PSD3: variants seen among roughly 807,000 people sequenced by gnomAD.
The protein encoded by PSD3 is pleckstrin and Sec7 domain containing 3, also known as PH and SEC7 domain-containing protein 3.
A neutral mutation model predicts 105.5 loss-of-function variants in PSD3; 49 were observed. The observed-to-expected ratio is 0.46, with a 90% CI of 0.37 to 0.59. The LOEUF is 0.59. PSD3 is among the 20% of genes least tolerant of loss of function. The pLI is 0.00. For missense variants in PSD3, 1,561 were observed against 1,263.8 expected, an observed-to-expected ratio of 1.24 and a Z score of -3.57; for synonymous variants, 557 against 457.8, an observed-to-expected ratio of 1.22 and a Z score of -2.77.
intron 8 of PSD3, among the ~76,000 whole-genome samples, chr8:18,797,143 T>C (rs12680447): frequency 0.82 from 124,817 of 152,104 alleles, 52,228 homozygotes; most frequent in Non-Finnish European, 0.92. Context: ...GTTCTTATGA[T>C]AGCTACTATA....
At chr8:18,765,587 A>G in intron 8 of PSD3, 49 bp from the exon 9 acceptor site, 1 of 1,375,710 alleles carries the variant, frequency 7.3e-7, no homozygotes, top group East Asian at 2.3e-5. Context: ...TGGAATTAAG[A>G]CTGATTCATA....
chr8:18,633,624 G>A (rs1252551556), intron 10 of PSD3, among the ~76,000 whole-genome samples: 3 of 152,066 alleles, frequency 2.0e-5, no homozygotes. Context: ...GTATTCCACG[G>A]TGTGTATGTA....
intron 9 of PSD3, among the ~76,000 whole-genome samples, chr8:18,734,874 A>T (rs1356443540): frequency 6.6e-6 from 1 of 152,252 alleles, no homozygotes; most frequent in Non-Finnish European, 1.5e-5. Flanking sequence ...TCCAGAGAAC[A>T]GCAATACCAT....
At chr8:19,002,447 A>T (rs1019338455) in intron 1 of PSD3, among the ~76,000 whole-genome samples, 1 of 151,996 alleles carries the variant, frequency 6.6e-6, no homozygotes, top group African/African-American at 2.4e-5. Context: ...ACAAGCATAT[A>T]TCAACTTAGT....
chr8:18,567,146 T>G (rs1801828576), intron 14 of PSD3, among the ~76,000 whole-genome samples: 1 of 152,192 alleles, frequency 6.6e-6, no homozygotes. Flanking sequence ...CCCTCTTTAG[T>G]TCAACTCACC....
intron 9 of PSD3, among the ~76,000 whole-genome samples, chr8:18,705,315 C>G (rs1245144952): frequency 6.6e-6 from 1 of 151,998 alleles, no homozygotes; most frequent in Non-Finnish European, 1.5e-5. Flanking sequence ...ACTGCTCAAG[C>G]TCAGTAGTTC....
At chr8:18,681,303 A>G (rs1387613287) in intron 9 of PSD3, among the ~76,000 whole-genome samples, 2 of 152,112 alleles carry the variant, frequency 1.3e-5, no homozygotes, top group African/African-American at 4.8e-5. Flanking sequence ...TGCTGTTTAC[A>G]TGATTAGCAA....
At chr8:18,936,169 AC>A in intron 1 of PSD3, 27 bp from the exon 2 acceptor site, 1 of 1,487,484 alleles carries the variant, frequency 6.7e-7, no homozygotes, top group Non-Finnish European at 9.3e-7. Context: ...AAACAAAGAC[AC>A]ATTTAAAATA....
chr8:18,958,134 T>C (rs572698119), intron 1 of PSD3, among the ~76,000 whole-genome samples: 37 of 152,168 alleles, frequency 2.4e-4, no homozygotes, highest in African/African-American at 8.4e-4. Context: ...TATACAAAAA[T>C]ATAATAAAAT....
intron 1 of PSD3, among the ~76,000 whole-genome samples, chr8:19,082,030 T>G (rs1829661014): frequency 6.6e-6 from 1 of 152,238 alleles, no homozygotes; most frequent in African/African-American, 2.4e-5. Flanking sequence ...TTTTTGATAC[T>G]TTGCGACAAT....
chr8:18,938,830 T>G (rs560501387), intron 1 of PSD3, among the ~76,000 whole-genome samples: 177 of 152,248 alleles, frequency 1.2e-3, no homozygotes, highest in Non-Finnish European at 2.0e-3. Context: ...TAAATAACTT[T>G]TCCAAAGATA....
At chr8:18,569,467 A>G (rs1266478657) in intron 14 of PSD3, among the ~76,000 whole-genome samples, 1 of 150,176 alleles carries the variant, frequency 6.7e-6, no homozygotes, top group Non-Finnish European at 1.5e-5. Context: ...ACAACAGACA[A>G]ACAGAGAGCC....
At chr8:18,751,268 C>T (rs75437729) in intron 9 of PSD3, among the ~76,000 whole-genome samples, 1 of 152,218 alleles carries the variant, frequency 6.6e-6, no homozygotes, top group African/African-American at 2.4e-5. Context: ...GTACACCCTC[C>T]GCAGCCGCTG....
intron 9 of PSD3, among the ~76,000 whole-genome samples, chr8:18,680,935 G>T (rs763779505): frequency 6.6e-6 from 1 of 151,906 alleles, no homozygotes; most frequent in Non-Finnish European, 1.5e-5. Flanking sequence ...TTTTTCAAAT[G>T]AATATGAATA....
At chr8:18,817,734 G>A (rs1005332369) in intron 4 of PSD3, among the ~76,000 whole-genome samples, 4 of 152,240 alleles carry the variant, frequency 2.6e-5, no homozygotes, top group African/African-American at 9.6e-5. Flanking sequence ...TAGAGACTCT[G>A]ATCAGCGGAA....
chr8:18,745,501 C>A (rs1000303984), intron 9 of PSD3, among the ~76,000 whole-genome samples: 4 of 152,174 alleles, frequency 2.6e-5, no homozygotes, highest in African/African-American at 7.2e-5. Flanking sequence ...TGGCACACCA[C>A]CCTCTTCTTT....
chr8:18,678,925 T>C (rs186459129), intron 9 of PSD3, among the ~76,000 whole-genome samples: 2 of 133,774 alleles, frequency 1.5e-5, no homozygotes, highest in African/African-American at 5.2e-5. Flanking sequence ...TGAAAATGTA[T>C]ATATGCTTAA....
intron 12 of PSD3, among the ~76,000 whole-genome samples, chr8:18,579,836 T>A (rs13257158): frequency 1.3e-5 from 2 of 152,050 alleles, no homozygotes; most frequent in Admixed American, 1.3e-4. Flanking sequence ...TACTATTTAC[T>A]TCATGCCTCA....
intron 15 of PSD3, among the ~76,000 whole-genome samples, chr8:18,545,383 T>C (rs748627154): frequency 6.6e-6 from 1 of 152,144 alleles, no homozygotes; most frequent in Non-Finnish European, 1.5e-5. Flanking sequence ...CTTGGCCTTG[T>C]GATGGTTTTG....
Sources: gnomAD v4.1 joint callset for allele counts (sites outside exome capture counted in the v4.1 genomes callset) on GRCh38, gnomAD v4.1.1 for gene constraint, MANE v1.5 for transcripts, NCBI Gene and HGNC (gene_info 2026-07-23, HGNC 2026-07-21) for gene names.